Variants in MAF observed in about 807,000 individuals in gnomAD.
MAF encodes transcription factor Maf.
MAF carries 10 observed loss-of-function variants against 22.0 expected under a neutral mutation model. The ratio of observed to expected loss-of-function variants is 0.45; its 90% CI spans 0.28 to 0.77. The LOEUF (loss-of-function observed/expected upper bound fraction) is 0.77, where lower values mean the gene tolerates loss of function less well. Among genes scored for constraint, MAF ranks in the 30% least tolerant of loss-of-function variants. MAF has a pLI of 0.12. For synonymous variants in MAF, 337 were observed against 255.8 expected, an observed-to-expected ratio of 1.32 and a Z score of -3.03; for missense variants, 544 against 548.4, an observed-to-expected ratio of 0.99 and a Z score of 0.08.
At chr16:79,419,356 A>G in the MAF span, among the ~76,000 whole-genome samples, 1 of 152,198 alleles carries the variant, frequency 6.6e-6, no homozygotes, top group Non-Finnish European at 1.5e-5. Flanking sequence ...CTTACGTTTG[A>G]CTCAGCACAA....
chr16:79,436,196 C>T, the MAF span, among the ~76,000 whole-genome samples: 1 of 152,154 alleles, frequency 6.6e-6, no homozygotes, highest in Non-Finnish European at 1.5e-5. Flanking sequence ...AATTCTCATG[C>T]CTCAACCTTT....
chr16:79,243,705 A>C, the MAF span, among the ~76,000 whole-genome samples: 1 of 152,068 alleles, frequency 6.6e-6, no homozygotes, highest in African/African-American at 2.4e-5. Flanking sequence ...AATCCTCCCT[A>C]ACTCATTTTA....
At chr16:79,288,100 C>G in the MAF span, among the ~76,000 whole-genome samples, 1 of 151,974 alleles carries the variant, frequency 6.6e-6, no homozygotes, top group East Asian at 1.9e-4. Flanking sequence ...GGAGGGAGGG[C>G]AGAGGGAGGG....
At chr16:79,205,695 A>G in the MAF span, 3 of 152,216 alleles carry the variant, frequency 2.0e-5, no homozygotes, top group Admixed American at 6.5e-5. Context: ...TTACATTTCA[A>G]TACCTACAGG....
chr16:79,490,877 G>C, the MAF span, among the ~76,000 whole-genome samples: 3 of 152,194 alleles, frequency 2.0e-5, no homozygotes, highest in Non-Finnish European at 4.4e-5. Context: ...TGTGATGTCA[G>C]AGATGAATGG....
chr16:79,470,397 G>A, the MAF span, among the ~76,000 whole-genome samples: 1 of 152,154 alleles, frequency 6.6e-6, no homozygotes. Context: ...AGGGGACCAG[G>A]ATGGCAACTA....
At chr16:79,426,526 A>G in the MAF span, among the ~76,000 whole-genome samples, 2 of 152,200 alleles carry the variant, frequency 1.3e-5, no homozygotes, top group African/African-American at 4.8e-5. Context: ...CTTAGGATCC[A>G]GCCCTACCAC....
the MAF span, among the ~76,000 whole-genome samples, chr16:79,334,810 G>C: frequency 6.6e-6 from 1 of 151,892 alleles, no homozygotes; most frequent in African/African-American, 2.4e-5. Flanking sequence ...TTCCATGCAG[G>C]GCAAATTTGG....
At chr16:79,264,104 C>T in the MAF span, among the ~76,000 whole-genome samples, 1 of 152,178 alleles carries the variant, frequency 6.6e-6, no homozygotes, top group East Asian at 1.9e-4. Flanking sequence ...ATTGAAATCC[C>T]TCCTGTTCAT....
chr16:79,304,007 G>A, the MAF span, among the ~76,000 whole-genome samples: 1 of 152,218 alleles, frequency 6.6e-6, no homozygotes, highest in Non-Finnish European at 1.5e-5. Context: ...TACATTCAGT[G>A]GAAATAAGGC....
chr16:79,222,683 T>C, the MAF span, among the ~76,000 whole-genome samples: 3 of 151,978 alleles, frequency 2.0e-5, no homozygotes. Flanking sequence ...TACAGGAAGA[T>C]TTACCAAGCA....
chr16:79,383,605 C>G, the MAF span, among the ~76,000 whole-genome samples: 134 of 152,292 alleles, frequency 8.8e-4, 4 homozygotes, highest in South Asian at 0.027. Flanking sequence ...CAATTATCAG[C>G]AGACTTGTAG....
At chr16:79,583,761 C>A (rs1212559864), downstream of MAF, among the ~76,000 whole-genome samples, 1 of 152,102 alleles carries the variant, frequency 6.6e-6, no homozygotes, top group Non-Finnish European at 1.5e-5. Context: ...CCACCTTTAG[C>A]GCGAGGTTAA....
the MAF span, among the ~76,000 whole-genome samples, chr16:79,285,874 G>A: frequency 1.3e-5 from 2 of 152,266 alleles, no homozygotes; most frequent in South Asian, 4.1e-4. Context: ...TGTTCCTAAG[G>A]GCAGTGTGGC....
chr16:79,355,371 G>A, the MAF span, among the ~76,000 whole-genome samples: 19 of 152,372 alleles, frequency 1.2e-4, 1 homozygote, highest in Middle Eastern at 3.4e-3. Context: ...CCCCAGGGAT[G>A]AAGTTTTGCT....
the MAF span, among the ~76,000 whole-genome samples, chr16:79,438,802 G>A: frequency 6.6e-6 from 1 of 152,258 alleles, no homozygotes; most frequent in African/African-American, 2.4e-5. Context: ...TAAAAGGAAA[G>A]CAATAATGAT....
the MAF span, among the ~76,000 whole-genome samples, chr16:79,315,255 C>T: frequency 6.6e-6 from 1 of 152,024 alleles, no homozygotes; most frequent in Non-Finnish European, 1.5e-5. Context: ...AACCATAGAA[C>T]ATATCAGGGT....
At chr16:79,237,797 G>A in the MAF span, among the ~76,000 whole-genome samples, 1 of 152,094 alleles carries the variant, frequency 6.6e-6, no homozygotes, top group Non-Finnish European at 1.5e-5. Flanking sequence ...CAGCGACACT[G>A]CACCCTGTTG....
chr16:79,508,872 G>C, the MAF span, among the ~76,000 whole-genome samples: 602 of 152,280 alleles, frequency 4.0e-3, 2 homozygotes, highest in African/African-American at 0.014. Flanking sequence ...AGAGGGAATG[G>C]GGCGTGACTC....
Sources: gnomAD v4.1 joint callset for allele counts (sites outside exome capture counted in the v4.1 genomes callset) on GRCh38, gnomAD v4.1.1 for gene constraint, MANE v1.5 for transcripts, NCBI Gene and HGNC (gene_info 2026-07-23, HGNC 2026-07-21) for gene names.